Variants in GPR89A observed in about 807,000 individuals in gnomAD.
GPR89A encodes G protein-coupled receptor 89A.
Under a neutral mutation model 52.0 loss-of-function variants are expected in GPR89A, and 16 were observed. The observed-to-expected ratio is 0.31, with a 90% CI of 0.21 to 0.47. The LOEUF (loss-of-function observed/expected upper bound fraction) is 0.47, where lower values mean the gene tolerates loss of function less well. Among genes scored for constraint, GPR89A ranks in the 20% least tolerant of loss-of-function variants. The pLI is 1.00. For missense variants in GPR89A, 135 were observed against 449.4 expected, an observed-to-expected ratio of 0.30 and a Z score of 6.33; for synonymous variants, 55 against 150.9, an observed-to-expected ratio of 0.36 and a Z score of 4.66.
chr1:145,611,191 CT>C (rs35221963), intron 1 of GPR89A, among the ~76,000 whole-genome samples: 93 of 138,392 alleles, frequency 6.7e-4, no homozygotes, highest in Middle Eastern at 3.7e-3. Context: ...TAGTTTAAGT[CT>C]TTTTTTTTTT....
Position 145,634,663 on chromosome 1 carries a change from TTA to T in GPR89A, c.617+2921_617+2922del, listed in dbSNP as rs1383435715. On this transcript the variant is annotated intron_variant, in intron 7 of 13. Coordinates refer to ENST00000313835, the MANE Select transcript of GPR89A (RefSeq NM_001097612.2). ...ATGGTGTGACCTTGAACTAGTTACT[TTA>T]TGTCTTTGTGCCTCATTTGTAAAAT... is the stretch of plus-strand genomic sequence containing the variant. Among the ~76,000 whole-genome samples, 20 of 150,650 alleles carry T rather than the reference TTA, an allele frequency of 1.3e-4. 1 individual carries two copies. The East Asian group carries it at 3.1e-3, about 23-fold the overall frequency.
intron 5 of GPR89A, among the ~76,000 whole-genome samples, chr1:145,626,103 C>G (rs1553688990): frequency 6.6e-6 from 1 of 150,668 alleles, no homozygotes. Context: ...ACGACTTGCA[C>G]TAAAGAGTCC....
intron 10 of GPR89A, among the ~76,000 whole-genome samples, chr1:145,660,045 A>C (rs1553695308): frequency 2.0e-5 from 3 of 151,860 alleles, no homozygotes; most frequent in African/African-American, 4.8e-5. Flanking sequence ...TGTGAATGGG[A>C]GTTCACTCAT....
At chr1:145,630,327 G>T in intron 5 of GPR89A, among the ~76,000 whole-genome samples, 1 of 27,538 alleles carries the variant, frequency 3.6e-5, no homozygotes, top group Non-Finnish European at 7.1e-5. Flanking sequence ...TTTTCCAGCA[G>T]ATTTACTTTC....
intron 10 of GPR89A, among the ~76,000 whole-genome samples, chr1:145,653,084 A>G (rs1467539797): frequency 2.7e-4 from 40 of 149,482 alleles, no homozygotes; most frequent in Non-Finnish European, 4.6e-4. Flanking sequence ...TCGATTTGAG[A>G]TCTTTCTAGC....
At chr1:145,622,200 TA>T (rs1293786632) in intron 3 of GPR89A, among the ~76,000 whole-genome samples, 7 of 151,596 alleles carry the variant, frequency 4.6e-5, no homozygotes, top group Non-Finnish European at 7.4e-5. Context: ...AGAAACAAAA[TA>T]TAATATATCC....
chr1:145,668,245 G>A (rs1202371271), intron 12 of GPR89A, among the ~76,000 whole-genome samples: 3 of 151,976 alleles, frequency 2.0e-5, no homozygotes, highest in Non-Finnish European at 4.4e-5. Context: ...CTTTTATTTT[G>A]TTGAGCAGTG....
intron 10 of GPR89A, among the ~76,000 whole-genome samples, chr1:145,654,969 A>G (rs1409055906): frequency 3.5e-4 from 52 of 150,006 alleles, no homozygotes; most frequent in Non-Finnish European, 3.8e-4. Flanking sequence ...GTAATCCCAT[A>G]GTTCTCAGAG....
chr1:145,641,078 C>G (rs1299779739), intron 7 of GPR89A, among the ~76,000 whole-genome samples: 4 of 151,734 alleles, frequency 2.6e-5, no homozygotes, highest in Non-Finnish European at 2.9e-5. Flanking sequence ...TAGAATGGTA[C>G]AGTCCCTCTG....
intron 8 of GPR89A, 35 bp downstream of exon 8, chr1:145,644,013 AAC>A (rs1439082845): frequency 5.4e-6 from 1 of 186,476 alleles, no homozygotes. Context: ...TCTTTTTCTC[AAC>A]TCTGGACCAA....
intron 10 of GPR89A, among the ~76,000 whole-genome samples, chr1:145,653,132 T>C (rs1651577070): frequency 6.6e-6 from 1 of 151,206 alleles, no homozygotes; most frequent in African/African-American, 2.5e-5. Flanking sequence ...CATTTCCCTC[T>C]TAACACTGCT....
At chr1:145,609,222 GA>G (rs1263915285) in intron 1 of GPR89A, among the ~76,000 whole-genome samples, 3 of 152,166 alleles carry the variant, frequency 2.0e-5, no homozygotes, top group Non-Finnish European at 4.4e-5. Context: ...GGCTTAAAGT[GA>G]ACTAAATTTG....
intron 12 of GPR89A, among the ~76,000 whole-genome samples, chr1:145,669,137 C>T (rs587724670): frequency 5.3e-5 from 8 of 152,122 alleles, no homozygotes; most frequent in Admixed American, 1.3e-4. Flanking sequence ...TTCTAATCAA[C>T]GTAGGAAGAC....
intron 8 of GPR89A, chr1:145,645,338 G>A: frequency 6.0e-6 from 2 of 334,634 alleles, no homozygotes; most frequent in East Asian, 1.6e-4. Context: ...GAGGAGGGAG[G>A]ATTTAGATTG....
Position 145,626,294 on chromosome 1 carries a change from G to A in GPR89A, c.415+2580G>A, listed in dbSNP as rs1445459676. On this transcript the variant is annotated intron_variant, in intron 5 of 13. Transcript: ENST00000313835. ...TGACACCTTTCTCCAGCTTTCTCCT[G>A]TGTGCATTCAGCTCACATGACCAGT... Among the ~76,000 whole-genome samples the A allele has an allele frequency of 9.2e-5, 14 of 151,950 alleles. 1 individual carries two copies. The highest frequency in any genetic ancestry group is 3.4e-4 in the African/African-American group (14 of 41,228).
chr1:145,619,871 T>C (rs1472052831), intron 3 of GPR89A, among the ~76,000 whole-genome samples: 1 of 151,418 alleles, frequency 6.6e-6, no homozygotes, highest in African/African-American at 2.4e-5. Flanking sequence ...AAAAATTAGC[T>C]GGGCGTGGTG....
At chr1:145,615,831 A>G (rs1648644327) in intron 1 of GPR89A, among the ~76,000 whole-genome samples, 1 of 151,984 alleles carries the variant, frequency 6.6e-6, no homozygotes, top group Admixed American at 6.6e-5. Context: ...TGTTGGCCAG[A>G]CTGGTCTTGA....
At chr1:145,611,222 T>G (rs1410021770) in intron 1 of GPR89A, among the ~76,000 whole-genome samples, 3 of 151,882 alleles carry the variant, frequency 2.0e-5, no homozygotes, top group African/African-American at 7.3e-5. Context: ...TATTTTATTT[T>G]AGATTTGGTA....
chr1:145,625,985 T>C (rs1649472228), intron 5 of GPR89A, among the ~76,000 whole-genome samples: 1 of 149,978 alleles, frequency 6.7e-6, no homozygotes, highest in South Asian at 2.1e-4. Context: ...TGGAAGAAAA[T>C]TGAGTCTCTC....
Sources: gnomAD v4.1 joint callset for allele counts (sites outside exome capture counted in the v4.1 genomes callset) on GRCh38, gnomAD v4.1.1 for gene constraint, MANE v1.5 for transcripts, NCBI Gene and HGNC (gene_info 2026-07-23, HGNC 2026-07-21) for gene names.